TPTE: variants seen among roughly 807,000 people sequenced by gnomAD.
The protein encoded by TPTE is transmembrane phosphatase with tensin homology, also known as putative tyrosine-protein phosphatase TPTE.
Under a neutral mutation model 84.1 loss-of-function variants are expected in TPTE, and 59 were observed. The observed-to-expected ratio is 0.70, with a 90% CI of 0.57 to 0.87. The LOEUF (loss-of-function observed/expected upper bound fraction) is 0.87. Ranked by LOEUF, TPTE falls within the 40% of genes least tolerant of loss-of-function variation. The pLI is 0.00. For synonymous variants in TPTE, 130 were observed against 223.5 expected (o/e 0.58, Z 3.73); for missense variants, 382 against 659.6 (o/e 0.58, Z 4.61).
intron 19 of TPTE, among the ~76,000 whole-genome samples, chr21:10,595,427 G>C (rs1349167074): frequency 6.6e-6 from 1 of 152,310 alleles, no homozygotes; most frequent in Non-Finnish European, 1.5e-5. Flanking sequence ...GTTGTGAACA[G>C]CTTGCCCCAG....
At chr21:10,546,346 C>G (rs1417801958) in intron 7 of TPTE, among the ~76,000 whole-genome samples, 1 of 152,304 alleles carries the variant, frequency 6.6e-6, no homozygotes, top group Non-Finnish European at 1.5e-5. Context: ...ACTAGCCATT[C>G]CCCCATCTCT....
chr21:10,535,703 AG>A (rs1171612758), intron 3 of TPTE, among the ~76,000 whole-genome samples: 27 of 152,418 alleles, frequency 1.8e-4, no homozygotes, highest in Middle Eastern at 3.4e-3. Flanking sequence ...CAGGTGACGG[AG>A]GAGTGAAGCA....
intron 10 of TPTE, among the ~76,000 whole-genome samples, chr21:10,565,902 A>G (rs967207542): frequency 5.3e-5 from 8 of 152,312 alleles, no homozygotes; most frequent in Non-Finnish European, 7.3e-5. Context: ...TGAAACAACT[A>G]TACTACAAGA....
rs1568735600 is a variant in TPTE, at chr21:10,578,607, TAA to T, written c.1027+3_1027+4del. 1.9e-6 allele frequency: 3 copies of T among 1,611,850 alleles called. No homozygotes were observed. The African/African-American group carries it at 4.0e-5, about 22-fold the overall frequency. On this transcript the variant is annotated splice_donor_region_variant and intron_variant, in intron 17 of 23. Transcript: ENST00000618007. ...CGATTCACTGTAAAGGAGGCACAGG[TAA>T]TAACATTTTCCTTTTTATTTCTCCA...
chr21:10,554,586 T>C (rs1321371924), intron 8 of TPTE, among the ~76,000 whole-genome samples: 1 of 152,306 alleles, frequency 6.6e-6, no homozygotes, highest in Non-Finnish European at 1.5e-5. Context: ...TTCTATTTTA[T>C]GTAATATAAG....
At chr21:10,557,629 C>G (rs540040310) in intron 8 of TPTE, among the ~76,000 whole-genome samples, 579 of 152,146 alleles carry the variant, frequency 3.8e-3, no homozygotes, top group Non-Finnish European at 6.3e-3. Flanking sequence ...AGCCTTAACT[C>G]TCCAAGCCTG....
chr21:10,601,874 C>G (rs113440147), intron 21 of TPTE, among the ~76,000 whole-genome samples, 184 bp from the exon 22 acceptor site: 204 of 151,762 alleles, frequency 1.3e-3, no homozygotes, highest in Middle Eastern at 3.4e-3. Flanking sequence ...CAAATGTAAA[C>G]ACACACGCAT....
At chr21:10,579,736 AT>A (rs1458408429) in intron 17 of TPTE, among the ~76,000 whole-genome samples, 176 of 152,060 alleles carry the variant, frequency 1.2e-3, no homozygotes, top group African/African-American at 3.9e-3. Context: ...GCTGAATAGT[AT>A]GCCTTTAATT....
At chr21:10,537,677 CAAA>C (rs58515233) in intron 3 of TPTE, among the ~76,000 whole-genome samples, 22 of 109,804 alleles carry the variant, frequency 2.0e-4, no homozygotes, top group Admixed American at 1.5e-3. Flanking sequence ...GACTCCCCCT[CAAA>C]AAAAAAAAAA....
intron 14 of TPTE, among the ~76,000 whole-genome samples, chr21:10,573,921 C>A (rs1487061798): frequency 2.6e-5 from 4 of 152,304 alleles, no homozygotes; most frequent in African/African-American, 9.6e-5. Flanking sequence ...TATATTAATT[C>A]TACCCCATTT....
chr21:10,593,242 G>A (rs900599572), intron 19 of TPTE, among the ~76,000 whole-genome samples: 2 of 152,310 alleles, frequency 1.3e-5, no homozygotes, highest in African/African-American at 2.4e-5. Flanking sequence ...CAGCATTTTA[G>A]TATGACATTT....
At chr21:10,545,920 G>T (rs997692910) in intron 7 of TPTE, among the ~76,000 whole-genome samples, 1 of 151,896 alleles carries the variant, frequency 6.6e-6, no homozygotes, top group Non-Finnish European at 1.5e-5. Context: ...GAGCATCTGT[G>T]TATATATATG....
intron 8 of TPTE, among the ~76,000 whole-genome samples, chr21:10,557,817 GT>G (rs370090538): frequency 0.024 from 3,643 of 150,122 alleles, 1 homozygote; most frequent in African/African-American, 0.088. Flanking sequence ...CAGGGAGGTT[GT>G]TTTTTTTTAT....
At chr21:10,574,647 G>GT (rs1401080641) in intron 14 of TPTE, among the ~76,000 whole-genome samples, 1 of 152,312 alleles carries the variant, frequency 6.6e-6, no homozygotes, top group Non-Finnish European at 1.5e-5. Flanking sequence ...GGAGAATGAA[G>GT]ATAAGCAGGC....
At chr21:10,558,835 T>A (rs1315795420) in intron 8 of TPTE, among the ~76,000 whole-genome samples, 1 of 152,414 alleles carries the variant, frequency 6.6e-6, no homozygotes, top group Non-Finnish European at 1.5e-5. Context: ...ATGAGCTACC[T>A]TGTCTCCAGC....
At chr21:10,570,392 G>T in intron 13 of TPTE, 93 bp from the exon 14 acceptor site, 1 of 1,589,450 alleles carries the variant, frequency 6.3e-7, no homozygotes, top group Non-Finnish European at 8.6e-7. Context: ...TTTTTTCTGT[G>T]AAAATGGAAT....
intron 8 of TPTE, among the ~76,000 whole-genome samples, chr21:10,558,628 C>T (rs1380960300): frequency 1.7e-3 from 262 of 152,040 alleles, no homozygotes; most frequent in African/African-American, 6.0e-3. Flanking sequence ...TTTGTTCTCC[C>T]GTCTTAGGCA....
intron 9 of TPTE, among the ~76,000 whole-genome samples, chr21:10,560,796 T>C (rs1010767006): frequency 2.6e-5 from 4 of 152,308 alleles, no homozygotes; most frequent in African/African-American, 9.6e-5. Flanking sequence ...TACTATAATA[T>C]CTTGTGAAGT....
chr21:10,546,736 A>G (rs1006330722), intron 7 of TPTE, among the ~76,000 whole-genome samples: 2 of 152,308 alleles, frequency 1.3e-5, no homozygotes, highest in African/African-American at 2.4e-5. Context: ...CCAAAGCGTA[A>G]TCCAGGACAA....
Sources: gnomAD v4.1 joint callset for allele counts (sites outside exome capture counted in the v4.1 genomes callset) on GRCh38, gnomAD v4.1.1 for gene constraint, MANE v1.5 for transcripts, NCBI Gene and HGNC (gene_info 2026-07-23, HGNC 2026-07-21) for gene names.